Variants in AKT3 observed in about 807,000 individuals in gnomAD.
AKT3 encodes the protein AKT serine/threonine kinase 3, also known as RAC-gamma serine/threonine-protein kinase.
Under a neutral mutation model 65.3 loss-of-function variants are expected in AKT3, and 15 were observed. The observed-to-expected ratio is 0.23, with a 90% CI of 0.15 to 0.35. The LOEUF (loss-of-function observed/expected upper bound fraction) is 0.35. AKT3 is among the 10% of genes least tolerant of loss of function. AKT3 has a pLI of 1.00. For missense variants in AKT3, 243 were observed against 576.5 expected, an observed-to-expected ratio of 0.42 and a Z score of 5.92; for synonymous variants, 206 against 183.8, an observed-to-expected ratio of 1.12 and a Z score of -0.98.
chr1:243,660,167 T>C lies in AKT3; in HGVS notation c.284+4605A>G, dbSNP rs201188949. Among the ~76,000 whole-genome samples the C allele has an allele frequency of 2.5e-3, 379 of 152,168 alleles. 15 individuals are homozygous for C. The East Asian group carries it at 0.068, about 27-fold the overall frequency. On this transcript the variant is annotated intron_variant, in intron 4 of 13. Transcript: ENST00000673466. Reference sequence around the variant, plus strand: ...TTGCCACAATTTCAGCTCCTGTTATTGGTCTATTCAGAGATTCAACTTCTT... The same window carrying C: ...TTGCCACAATTTCAGCTCCTGTTATCGGTCTATTCAGAGATTCAACTTCTT...
intron 3 of AKT3, among the ~76,000 whole-genome samples, chr1:243,677,876 CAGG>C (rs1429598444): frequency 1.3e-5 from 2 of 152,066 alleles, no homozygotes; most frequent in East Asian, 3.9e-4. Context: ...TACCTGAGGT[CAGG>C]AGTTCGAGAC....
chr1:243,525,483 T>C (rs1168658519), intron 12 of AKT3, among the ~76,000 whole-genome samples: 1 of 151,568 alleles, frequency 6.6e-6, no homozygotes, highest in Non-Finnish European at 1.5e-5. Context: ...TTTATAATTA[T>C]CTTCAATGAC....
chr1:243,642,523 A>G (rs759099781), intron 5 of AKT3, among the ~76,000 whole-genome samples: 16 of 150,818 alleles, frequency 1.1e-4, no homozygotes, highest in South Asian at 2.1e-4. Context: ...GTTAGCCAGG[A>G]TGGTCTCGAT....
chr1:243,747,995 A>C (rs2148198700), intron 2 of AKT3, among the ~76,000 whole-genome samples: 1 of 152,338 alleles, frequency 6.6e-6, no homozygotes, highest in Admixed American at 6.5e-5. Flanking sequence ...ATTGTTTTAT[A>C]CTAAGGCCCA....
At chr1:243,793,112 T>C (rs561976649) in intron 2 of AKT3, 5 of 152,348 alleles carry the variant, frequency 3.3e-5, no homozygotes, top group African/African-American at 9.6e-5. Flanking sequence ...AACAGGAGGC[T>C]AGAGCATGGA....
intron 2 of AKT3, among the ~76,000 whole-genome samples, chr1:243,825,952 C>T (rs144731690): frequency 2.0e-5 from 3 of 151,862 alleles, no homozygotes; most frequent in South Asian, 2.1e-4. Flanking sequence ...GCCAACATGG[C>T]GAAACCCCAT....
chr1:243,696,881 T>A (rs551113561), intron 2 of AKT3, among the ~76,000 whole-genome samples: 1 of 152,196 alleles, frequency 6.6e-6, no homozygotes, highest in African/African-American at 2.4e-5. Context: ...ACTTTATCAC[T>A]TTTCTGCTCA....
At chr1:243,537,764 A>G (rs1672031456) in intron 12 of AKT3, among the ~76,000 whole-genome samples, 1 of 152,180 alleles carries the variant, frequency 6.6e-6, no homozygotes, top group Admixed American at 6.5e-5. Flanking sequence ...TTCACAGGCC[A>G]CCTGTCCGCT....
At chr1:243,617,915 A>T (rs320310) in intron 6 of AKT3, among the ~76,000 whole-genome samples, 144,796 of 152,226 alleles carry the variant, frequency 0.95, 69,303 homozygotes, top group East Asian at 1. Flanking sequence ...CAGACATTTT[A>T]ATAGGCAGTT....
In AKT3 at chr1:243,588,274, G is replaced by A. The variant is rs370141247; in HGVS notation, c.697-15226C>T. ...TAACTTTATGAGGACAAGCAGAGAA[G>A]GAAAGGAAAGCTGTAAATATGTAGT... On this transcript the variant is annotated intron_variant, in intron 8 of 13. Coordinates refer to ENST00000673466, the MANE Select transcript of AKT3 (RefSeq NM_005465.7). Among the ~76,000 whole-genome samples the A allele has an allele frequency of 5.9e-5, 9 of 152,210 alleles. 1 individual carries two copies. The highest frequency in any genetic ancestry group is 2.2e-4 in the African/African-American group (9 of 41,528).
At chr1:243,734,010 A>G (rs1296770630) in intron 2 of AKT3, among the ~76,000 whole-genome samples, 2 of 152,226 alleles carry the variant, frequency 1.3e-5, no homozygotes, top group Non-Finnish European at 2.9e-5. Context: ...CAGAAAATCC[A>G]AAAGTCAAAT....
chr1:243,548,224 A>G (rs914198012), intron 11 of AKT3: 2 of 152,152 alleles, frequency 1.3e-5, no homozygotes, highest in Non-Finnish European at 2.9e-5. Flanking sequence ...ATTTTCTTAC[A>G]CTTATGTTGT....
intron 2 of AKT3, among the ~76,000 whole-genome samples, chr1:243,698,643 T>C (rs1315993058): frequency 1.3e-5 from 2 of 152,120 alleles, no homozygotes; most frequent in Admixed American, 6.6e-5. Flanking sequence ...TATACCAAGA[T>C]AGTGATGTAC....
chr1:243,697,929 G>A (rs1346766221), intron 2 of AKT3, among the ~76,000 whole-genome samples: 1 of 151,588 alleles, frequency 6.6e-6, no homozygotes, highest in Non-Finnish European at 1.5e-5. Context: ...ACGTAGATCA[G>A]TATCCTCCAC....
At chr1:243,534,178 T>A (rs1219340648) in intron 12 of AKT3, among the ~76,000 whole-genome samples, 1 of 151,858 alleles carries the variant, frequency 6.6e-6, no homozygotes, top group Non-Finnish European at 1.5e-5. Flanking sequence ...AGATTAAAAG[T>A]AAAGGGATGG....
chr1:243,579,704 C>T (rs1675195874), intron 8 of AKT3, among the ~76,000 whole-genome samples: 1 of 152,082 alleles, frequency 6.6e-6, no homozygotes. Context: ...AAGAAATTGA[C>T]TTATATAACT....
chr1:243,726,098 T>C lies in AKT3; in HGVS notation c.47-30382A>G, dbSNP rs556435952. The stretch of plus-strand genomic sequence containing the variant: ...TAATGTCTAGTATGCTGGTGGGTGC[T>C]ACTCATCTTTTCAAATCTGTTTTAA... On this transcript the variant is annotated intron_variant, in intron 2 of 13. Coordinates refer to ENST00000673466, the MANE Select transcript of AKT3 (RefSeq NM_005465.7). Among the ~76,000 whole-genome samples, 244 of 152,304 alleles carry C rather than the reference T, an allele frequency of 1.6e-3. 2 individuals carry two copies. The highest frequency in any genetic ancestry group is 6.8e-3 in the Middle Eastern group (2 of 294).
At chr1:243,689,838 A>G (rs2148006248) in intron 3 of AKT3, among the ~76,000 whole-genome samples, 1 of 152,174 alleles carries the variant, frequency 6.6e-6, no homozygotes, top group Admixed American at 6.5e-5. Flanking sequence ...CCCAATACTC[A>G]GGATGCTGAG....
At chr1:243,659,407 A>T (rs1449588428) in intron 4 of AKT3, among the ~76,000 whole-genome samples, 1 of 152,206 alleles carries the variant, frequency 6.6e-6, no homozygotes, top group Non-Finnish European at 1.5e-5. Flanking sequence ...AGGATTTCAC[A>T]TTATGTAATT....
Sources: allele counts gnomAD v4.1 joint callset (sites outside exome capture counted in the v4.1 genomes callset), GRCh38; gene constraint gnomAD v4.1.1; transcripts MANE v1.5; gene names NCBI Gene and HGNC (gene_info 2026-07-23, HGNC 2026-07-21).